The following PLA2G4F variants were observed in gnomAD, a reference collection of about 807,000 sequenced individuals.
The protein encoded by PLA2G4F is phospholipase A2 group IVF.
PLA2G4F carries 105 observed loss-of-function variants against 103.1 expected under a neutral mutation model. That is an observed-to-expected ratio of 1.02 (90% CI 0.87 to 1.20). The LOEUF (loss-of-function observed/expected upper bound fraction) is 1.20, where lower values mean the gene tolerates loss of function less well. Among genes scored for constraint, PLA2G4F ranks in the 50% most tolerant of loss-of-function variants. The pLI, the probability that PLA2G4F is intolerant of heterozygous loss-of-function variation, is 0.00. For missense variants in PLA2G4F, 1,155 were observed against 1,075.9 expected (o/e 1.07, Z -1.03); for synonymous variants, 468 against 441.1 (o/e 1.06, Z -0.76).
chr15:42,154,009 C>A, intron 4 of PLA2G4F, 83 bp downstream of exon 4: 1 of 1,587,788 alleles, frequency 6.3e-7, no homozygotes, highest in Non-Finnish European at 8.6e-7. Flanking sequence ...TTGGCCTGTG[C>A]CGACCAGAGC....
At chr15:42,144,809 C>T (rs1256281684) in intron 16 of PLA2G4F, among the ~76,000 whole-genome samples, 165 bp from the exon 17 acceptor site, 1 of 152,222 alleles carries the variant, frequency 6.6e-6, no homozygotes, top group Non-Finnish European at 1.5e-5. Context: ...CATTGAACCA[C>T]TTTGAAACGA....
chr15:42,141,778 C>G lies in PLA2G4F; in HGVS notation c.*206G>C, dbSNP rs143907707. ...GTCCCTGGAGCGATCTACTGCCCAT[C>G]TTCTCCAAAAACACACAAGGAGAGC... On this transcript the variant is annotated 3_prime_UTR_variant, in exon 20 of 20. Transcript: ENST00000397272. 9.5e-3 allele frequency: 5,908 copies of G among 624,794 alleles called. 58 individuals are homozygous for G. The highest frequency in any genetic ancestry group is 0.022 in the Middle Eastern group (86 of 3,954). 38.7% of individuals were successfully genotyped at this position (624,794 alleles called of 1,614,324 possible).
In PLA2G4F at chr15:42,148,899, CA is replaced by C. The variant is rs996705219; in HGVS notation, c.1059+813del. The C allele has an allele frequency of 2.2e-5, 22 of 985,442 alleles. No homozygotes were observed. In the African/African-American group the frequency reaches 3.7e-4, roughly 16 times the overall value. 61.0% of individuals were successfully genotyped at this position (985,442 alleles called of 1,614,324 possible). A position where few individuals can be genotyped will look rare whatever the true frequency, so the allele number is the denominator to read the frequency against. On this transcript the variant is annotated intron_variant, in intron 11 of 19. Coordinates refer to ENST00000397272, the MANE Select transcript of PLA2G4F (RefSeq NM_213600.4). ...CTTCAGAGTGCTGGATGAGACAGAG[CA>C]GACACCTAGCACAGAGAGGGCATAC...
At chr15:42,144,852 C>T (rs1005944885) in intron 16 of PLA2G4F, among the ~76,000 whole-genome samples, 1 of 152,182 alleles carries the variant, frequency 6.6e-6, no homozygotes, top group African/African-American at 2.4e-5. Flanking sequence ...GTTTTGAAAA[C>T]TGCCTACAGC....
rs1483805061 is a variant in PLA2G4F at position 42,139,967 on chromosome 15, C to A, written c.*2017G>T. 6.6e-6 allele frequency: 1 copy of A among 152,266 alleles called. No individual in the cohort carries two copies. Among genetic ancestry groups the A allele is most frequent in the African/African-American group, 2.4e-5 (1 of 41,462 alleles). 9.4% of individuals were successfully genotyped at this position (152,266 alleles called of 1,614,324 possible). ...CTGGCCTGCGGGGACAGACGCTGGC[C>A]TCTGCAACCCTGGGGCTGCTGATCA... On this transcript the variant is annotated 3_prime_UTR_variant, in exon 20 of 20. Coordinates refer to ENST00000397272, the MANE Select transcript of PLA2G4F (RefSeq NM_213600.4).
At chr15:42,143,689 G>GA (rs1405876385) in intron 18 of PLA2G4F, among the ~76,000 whole-genome samples, 1 of 152,186 alleles carries the variant, frequency 6.6e-6, no homozygotes, top group Non-Finnish European at 1.5e-5. Context: ...AGAACTGGGG[G>GA]ATCTTCTATG....
In PLA2G4F at chr15:42,156,629, G is replaced by A. The variant is rs1473132165; in HGVS notation, c.-80C>T. The A allele has an allele frequency of 1.0e-6, 1 of 1,004,568 alleles. No homozygotes were observed. Among genetic ancestry groups the A allele is most frequent in the Admixed American group, 2.6e-5 (1 of 38,842 alleles). 62.2% of individuals were successfully genotyped at this position (1,004,568 alleles called of 1,614,324 possible). A position where few individuals can be genotyped will look rare whatever the true frequency, so the allele number is the denominator to read the frequency against. On this transcript the variant is annotated 5_prime_UTR_variant, in exon 1 of 20. Transcript: ENST00000397272. Reference sequence around the variant, plus strand: ...CAAACTGCTGGCTCAGGTGTGACAGGCAGCACTGAGTTGGGAGGGTGGAGC... The same window carrying A: ...CAAACTGCTGGCTCAGGTGTGACAGACAGCACTGAGTTGGGAGGGTGGAGC...
rs756978853 is a variant in PLA2G4F at position 42,145,629 on chromosome 15, C to T, written c.1726G>A (p.Ala576Thr). Residue 576 changes from alanine to threonine, a missense_variant, in exon 16 of 20, where the codon GCC becomes ACC. Coordinates refer to ENST00000397272, the MANE Select transcript of PLA2G4F (RefSeq NM_213600.4). The part of the protein sequence containing the change: ...TSLDEIFLKT[A>T]GSGLSFLEWY... ...TCCAGGAAGCTGAGGCCCGAGCCGGCGGTCTTTAGGAAGATCTCATCCAGG... is the reference window on the plus strand; with the variant it reads ...TCCAGGAAGCTGAGGCCCGAGCCGGTGGTCTTTAGGAAGATCTCATCCAGG... The T allele has an allele frequency of 1.3e-5, 21 of 1,614,120 alleles. No individual in the cohort carries two copies. The highest frequency in any genetic ancestry group is 2.2e-5 in the South Asian group (2 of 91,078).
At chr15:42,153,583 C>G (rs769375803) in intron 5 of PLA2G4F, 37 bp downstream of exon 5, 2 of 1,612,128 alleles carry the variant, frequency 1.2e-6, no homozygotes, top group African/African-American at 1.3e-5. Context: ...ACTCAAATCT[C>G]TGAGTCTCTG....
At position 42,144,655 on chromosome 15, in the gene PLA2G4F, G is replaced by C. The variant is rs1205305521; in HGVS notation, c.1781-11C>G. ...GCTTCTGGCAGTCGTCTAGACAGGG[G>C]CGGGACAGTGAAATAGAGGGGAAAG... is the stretch of plus-strand genomic sequence containing the variant. On this transcript the variant is annotated splice_polypyrimidine_tract_variant and intron_variant, in intron 16 of 19. Transcript: ENST00000397272. The C allele has an allele frequency of 6.4e-7, 1 of 1,563,866 alleles. No individual in the cohort carries two copies. The highest frequency in any genetic ancestry group is 1.4e-5 in the African/African-American group (1 of 73,394).
Position 42,144,062 on chromosome 15 carries a change from G to A in PLA2G4F, c.2058C>T (p.Asn686=), listed in dbSNP as rs760679690. ...LYLVDGGFAI[N]SPFPLALLPQ... is the part of the protein sequence containing the mutation. ...GCAGCAGAGCCAGTGGGAACGGAGAGTTGATGGCAAAGCCTCCGTCCACCA... is the reference window on the plus strand; with the variant it reads ...GCAGCAGAGCCAGTGGGAACGGAGAATTGATGGCAAAGCCTCCGTCCACCA... Residue 686 remains asparagine, a synonymous_variant, in exon 18 of 20, where the codon AAC becomes AAT. Transcript: ENST00000397272. 15 of 1,613,936 alleles carry A rather than the reference G, an allele frequency of 9.3e-6. No homozygotes were observed. The Admixed American group carries it at 2.3e-4, about 25-fold the overall frequency.
At chr15:42,142,427 G>A in intron 19 of PLA2G4F, 101 bp downstream of exon 19, 1 of 1,382,460 alleles carries the variant, frequency 7.2e-7, no homozygotes, top group Non-Finnish European at 9.8e-7. Context: ...CCACCAGGAG[G>A]CGTGCTTAGT....
At chr15:42,151,628 A>C (rs1418202672) in intron 7 of PLA2G4F, 1 of 985,250 alleles carries the variant, frequency 1.0e-6, no homozygotes. Flanking sequence ...GCACTAGATG[A>C]GGCCCGGAGA....
At chr15:42,142,491 C>T in intron 19 of PLA2G4F, 37 bp downstream of exon 19, 1 of 1,575,532 alleles carries the variant, frequency 6.3e-7, no homozygotes. Context: ...CATCCCAGGG[C>T]TCTGTGGGTC....
At chr15:42,142,318 G>T in intron 19 of PLA2G4F, 114 bp from the exon 20 acceptor site, 1 of 1,173,536 alleles carries the variant, frequency 8.5e-7, no homozygotes, top group Non-Finnish European at 1.2e-6. Context: ...TGCGGGCCCT[G>T]CTTGGGCCAC....
rs891466783 is a variant in PLA2G4F at position 42,156,628 on chromosome 15, G to A, written c.-79C>T. ...ACAAACTGCTGGCTCAGGTGTGACAGGCAGCACTGAGTTGGGAGGGTGGAG... is the reference window on the plus strand; with the variant it reads ...ACAAACTGCTGGCTCAGGTGTGACAAGCAGCACTGAGTTGGGAGGGTGGAG... On this transcript the variant is annotated 5_prime_UTR_variant, in exon 1 of 20. Transcript: ENST00000397272. The A allele has an allele frequency of 5.9e-6, 6 of 1,024,362 alleles. No individual in the cohort carries two copies. Among genetic ancestry groups the A allele is most frequent in the Non-Finnish European group, 8.5e-6 (6 of 707,666 alleles). The allele number at this position is 1,024,362 out of a possible 1,614,324, so 63.5% of individuals were successfully genotyped here.
In PLA2G4F at chr15:42,141,282, G is replaced by A. The variant is rs1201021299; in HGVS notation, c.*702C>T. ...AGAGACTGTGGTCCAGGTTCGAAGA[G>A]TGAAGCCTGGGTAACTGGCAGGGAG... On this transcript the variant is annotated 3_prime_UTR_variant, in exon 20 of 20. Coordinates refer to ENST00000397272, the MANE Select transcript of PLA2G4F (RefSeq NM_213600.4). 2 of 456,756 alleles carry A rather than the reference G, an allele frequency of 4.4e-6. No homozygotes were observed. The highest frequency in any genetic ancestry group is 3.1e-5 in the South Asian group (2 of 64,574). The allele number at this position is 456,756 out of a possible 1,614,324, so 28.3% of individuals were successfully genotyped here. A position where few individuals can be genotyped will look rare whatever the true frequency, so the allele number is the denominator to read the frequency against.
At chr15:42,152,643 C>T (rs1487467834) in intron 7 of PLA2G4F, 45 bp downstream of exon 7, 4 of 1,547,382 alleles carry the variant, frequency 2.6e-6, no homozygotes, top group African/African-American at 2.7e-5. Context: ...TAGTTCCAAC[C>T]CCGGGAGAGA....
chr15:42,150,300 C>A, intron 9 of PLA2G4F, 73 bp downstream of exon 9: 1 of 1,538,266 alleles, frequency 6.5e-7, no homozygotes, highest in African/African-American at 1.4e-5. Context: ...CCTCTTGGGT[C>A]CCTCCTCCAG....
Sources: gnomAD v4.1 joint callset for allele counts (sites outside exome capture counted in the v4.1 genomes callset) on GRCh38, gnomAD v4.1.1 for gene constraint, MANE v1.5 for transcripts, NCBI Gene and HGNC (gene_info 2026-07-23, HGNC 2026-07-21) for gene names.